LXN: variants seen among roughly 807,000 people sequenced by gnomAD.
LXN encodes MUM.
Under a neutral mutation model 29.8 loss-of-function variants are expected in LXN, and 28 were observed. That is an observed-to-expected ratio of 0.94 (90% CI 0.70 to 1.29). LXN has a LOEUF of 1.29. Among genes scored for constraint, LXN ranks in the 50% most tolerant of loss-of-function variants. The pLI, the probability that LXN is intolerant of heterozygous loss-of-function variation, is 0.00. For missense variants in LXN, 227 were observed against 261.7 expected (o/e 0.87, Z 0.92); for synonymous variants, 77 against 89.6 (o/e 0.86, Z 0.80).
chr3:158,667,759 G>T (rs1201678255), intron 4 of LXN, among the ~76,000 whole-genome samples: 4 of 152,174 alleles, frequency 2.6e-5, no homozygotes, highest in African/African-American at 9.7e-5. Flanking sequence ...ATGCACTCCA[G>T]CCTGGGCAAC....
chr3:158,668,998 C>T lies in LXN; in HGVS notation c.505G>A (p.Val169Met). The T allele has an allele frequency of 1.9e-6, 3 of 1,609,394 alleles. No individual in the cohort carries two copies. Among genetic ancestry groups the T allele is most frequent in the Non-Finnish European group, 2.5e-6 (3 of 1,177,724 alleles). Reference sequence around the variant, plus strand: ...TGTATTTTATAGAAACTACTTACCACTTGCTTGACAGTTTGAATTTTTACC... The same window carrying T: ...TGTATTTTATAGAAACTACTTACCATTTGCTTGACAGTTTGAATTTTTACC... ...KMVKIQTVKQ[V>M]QRNDDFIELD... Residue 169 changes from valine (V) to methionine (M), a missense_variant and splice_region_variant, in exon 4 of 6, where the codon GTG becomes ATG. By Grantham distance (21) the Val-to-Met change is conservative (BLOSUM62 1). Coordinates refer to ENST00000264265, the MANE Select transcript of LXN (RefSeq NM_020169.4).
chr3:158,672,599 T>G lies in LXN; in HGVS notation c.-121A>C. The G allele has an allele frequency of 8.1e-6, 10 of 1,234,058 alleles. No homozygotes were observed. In the South Asian group the frequency reaches 1.4e-4, roughly 17 times the overall value. 76.4% of individuals were successfully genotyped at this position (1,234,058 alleles called of 1,614,324 possible). A position where few individuals can be genotyped will look rare whatever the true frequency, so the allele number is the denominator to read the frequency against. Reference sequence around the variant, plus strand: ...CCGAGGCGGAAAAGTCGCAAGCTCCTTCAGTCAGTCTTCTTCCTCAGCTCC... The same window carrying G: ...CCGAGGCGGAAAAGTCGCAAGCTCCGTCAGTCAGTCTTCTTCCTCAGCTCC... On this transcript the variant is annotated 5_prime_UTR_variant, in exon 1 of 6. Transcript: ENST00000264265.
At chr3:158,668,931 A>G in intron 4 of LXN, 65 bp downstream of exon 4, 1 of 1,388,536 alleles carries the variant, frequency 7.2e-7, no homozygotes, top group Non-Finnish European at 9.9e-7. Flanking sequence ...TAATCCAATT[A>G]TGAATTACAA....
chr3:158,667,003 A>G lies in LXN; in HGVS notation c.570+9T>C, dbSNP rs1723758084. The G allele has an allele frequency of 1.3e-6, 2 of 1,595,218 alleles. No individual in the cohort carries two copies. The highest frequency in any genetic ancestry group is 1.3e-5 in the African/African-American group (1 of 74,226). On this transcript the variant is annotated intron_variant, in intron 5 of 5. Coordinates refer to ENST00000264265, the MANE Select transcript of LXN (RefSeq NM_020169.4). Reference sequence around the variant, plus strand: ...GAATGGCATCAAATAAAGGTAAATTATACTTTACCTGAGATGCTATATTAT... The same window carrying G: ...GAATGGCATCAAATAAAGGTAAATTGTACTTTACCTGAGATGCTATATTAT...
chr3:158,670,073 A>G (rs1724133322), intron 2 of LXN, among the ~76,000 whole-genome samples: 1 of 152,232 alleles, frequency 6.6e-6, no homozygotes, highest in Non-Finnish European at 1.5e-5. Context: ...TATGCTTTGT[A>G]AAGATGGCTG....
chr3:158,669,388 T>G (rs752309576), intron 3 of LXN, 45 bp downstream of exon 3: 1 of 1,543,658 alleles, frequency 6.5e-7, no homozygotes, highest in Admixed American at 1.9e-5. Context: ...GAGATTGATT[T>G]TAAGTTTGAA....
chr3:158,666,799 C>A, intron 5 of LXN, 55 bp from the exon 6 acceptor site: 1 of 1,533,492 alleles, frequency 6.5e-7, no homozygotes, highest in Non-Finnish European at 9.0e-7. Flanking sequence ...TTTAGGAAAA[C>A]GTAGTTGGGT....
At chr3:158,666,777 A>AT (rs764751713) in intron 5 of LXN, 33 bp from the exon 6 acceptor site, 8 of 1,583,446 alleles carry the variant, frequency 5.1e-6, no homozygotes, top group Non-Finnish European at 6.9e-6. Context: ...CCATGATAAA[A>AT]TTCAGAAAAC....
rs1051744389 is a variant in LXN, at chr3:158,670,858, C to T, written c.192+99G>A. On this transcript the variant is annotated intron_variant, in intron 2 of 5. Coordinates refer to ENST00000264265, the MANE Select transcript of LXN (RefSeq NM_020169.4). ...CTGAGGTGGGAAGATGGCCTGAGCCCGGGAAGTTGAGGCTGCAGTGAGCCA... is the reference window on the plus strand; with the variant it reads ...CTGAGGTGGGAAGATGGCCTGAGCCTGGGAAGTTGAGGCTGCAGTGAGCCA... 7.7e-6 allele frequency: 10 copies of T among 1,300,692 alleles called. No individual in the cohort carries two copies. The Admixed American group carries it at 1.2e-4, about 16-fold the overall frequency. 80.6% of individuals were successfully genotyped at this position (1,300,692 alleles called of 1,614,324 possible).
At chr3:158,669,377 T>C (rs1274902330) in intron 3 of LXN, 56 bp downstream of exon 3, 3 of 1,503,918 alleles carry the variant, frequency 2.0e-6, no homozygotes, top group Non-Finnish European at 2.7e-6. Context: ...CACAGATAAT[T>C]GAGATTGATT....
chr3:158,672,632 T>C lies in LXN; in HGVS notation c.-154A>G. On this transcript the variant is annotated 5_prime_UTR_variant, in exon 1 of 6. Coordinates refer to ENST00000264265, the MANE Select transcript of LXN (RefSeq NM_020169.4). ...GTCTTCTTCCTCAGCTCCTTCCGACTCCGGAAGCTGCTGTTTGGGCCCAGG... is the reference window on the plus strand; with the variant it reads ...GTCTTCTTCCTCAGCTCCTTCCGACCCCGGAAGCTGCTGTTTGGGCCCAGG... 1.2e-6 allele frequency: 1 copy of C among 860,844 alleles called. No homozygotes were observed. The highest frequency in any genetic ancestry group is 3.0e-5 in the East Asian group (1 of 33,396). The allele number at this position is 860,844 out of a possible 1,614,324, so 53.3% of individuals were successfully genotyped here.
chr3:158,669,304 G>T, intron 3 of LXN, 129 bp downstream of exon 3: 1 of 1,187,338 alleles, frequency 8.4e-7, no homozygotes, highest in Non-Finnish European at 1.2e-6. Flanking sequence ...GATTGGATTA[G>T]AAATGAGTAT....
chr3:158,666,986 T>A, intron 5 of LXN, 26 bp downstream of exon 5: 2 of 1,585,034 alleles, frequency 1.3e-6, no homozygotes, highest in Non-Finnish European at 1.7e-6. Flanking sequence ...CAGAATGGCA[T>A]CAAATAAAGG....
At chr3:158,672,083 G>A (rs1038304296) in intron 1 of LXN, among the ~76,000 whole-genome samples, 11 of 152,152 alleles carry the variant, frequency 7.2e-5, no homozygotes, top group African/African-American at 2.7e-4. Context: ...TACCTAGAGC[G>A]TGTTCCCGTT....
At chr3:158,670,855 G>A (rs907125253) in intron 2 of LXN, 102 bp downstream of exon 2, 2 of 1,298,730 alleles carry the variant, frequency 1.5e-6, no homozygotes, top group South Asian at 1.9e-5. Context: ...GATGGCCTGA[G>A]CCCGGGAAGT....
chr3:158,669,391 A>T (rs756434914), intron 3 of LXN, 42 bp downstream of exon 3: 2 of 1,549,880 alleles, frequency 1.3e-6, no homozygotes, highest in South Asian at 2.3e-5. Flanking sequence ...ATTGATTTTA[A>T]GTTTGAATCA....
intron 4 of LXN, 131 bp downstream of exon 4, chr3:158,668,865 T>A: frequency 1.3e-6 from 1 of 742,344 alleles, no homozygotes; most frequent in Non-Finnish European, 2.1e-6. Flanking sequence ...GTACCTGACC[T>A]CCCCTTTGAA....
At chr3:158,668,156 A>T (rs761289190) in intron 4 of LXN, among the ~76,000 whole-genome samples, 1 of 152,182 alleles carries the variant, frequency 6.6e-6, no homozygotes, top group Non-Finnish European at 1.5e-5. Context: ...TGGTTCCAAG[A>T]TTCCCCTCAG....
At chr3:158,670,845 G>A (rs933328787) in intron 2 of LXN, 112 bp downstream of exon 2, 2 of 1,277,956 alleles carry the variant, frequency 1.6e-6, no homozygotes, top group African/African-American at 1.6e-5. Flanking sequence ...GAGGTGGGAA[G>A]ATGGCCTGAG....
Sources: gnomAD v4.1 joint callset for allele counts (sites outside exome capture counted in the v4.1 genomes callset) on GRCh38, gnomAD v4.1.1 for gene constraint, MANE v1.5 for transcripts, NCBI Gene and HGNC (gene_info 2026-07-23, HGNC 2026-07-21) for gene names.